The following BNIP3L variants were observed in gnomAD, a reference collection of about 807,000 sequenced individuals.
The protein encoded by BNIP3L is BCL2 interacting protein 3 like.
Under a neutral mutation model 25.5 loss-of-function variants are expected in BNIP3L, and 10 were observed. The ratio of observed to expected loss-of-function variants is 0.39; its 90% CI spans 0.24 to 0.67. The LOEUF (loss-of-function observed/expected upper bound fraction) is 0.67. BNIP3L is among the 30% of genes least tolerant of loss of function. BNIP3L has a pLI of 0.45. For missense variants in BNIP3L, 215 were observed against 270.9 expected, an observed-to-expected ratio of 0.79 and a Z score of 1.45; for synonymous variants, 113 against 101.2, an observed-to-expected ratio of 1.12 and a Z score of -0.70.
intron 3 of BNIP3L, 142 bp from the exon 4 acceptor site, chr8:26,407,858 T>C (rs1270074961): frequency 1.4e-6 from 1 of 712,518 alleles, no homozygotes; most frequent in Admixed American, 2.8e-5. Context: ...TTTCAGCATT[T>C]TTTAGAAAAG....
chr8:26,391,157 C>A, intron 1 of BNIP3L, 86 bp from the exon 2 acceptor site: 1 of 1,197,186 alleles, frequency 8.4e-7, no homozygotes. Flanking sequence ...AGTCAGAATT[C>A]TTATCTGGAT....
Position 26,396,943 on chromosome 8 carries a change from G to A in BNIP3L, c.357+1641G>A, listed in dbSNP as rs1174075013. On this transcript the variant is annotated intron_variant, in intron 3 of 5. Coordinates refer to ENST00000380629, the MANE Select transcript of BNIP3L (RefSeq NM_004331.3). ...GAGAAAAAAGAATAAAAAGAAATGAGCAAAGCCTCCAAGAAATATGGGACT... is the reference window on the plus strand; with the variant it reads ...GAGAAAAAAGAATAAAAAGAAATGAACAAAGCCTCCAAGAAATATGGGACT... Among the ~76,000 whole-genome samples the A allele has an allele frequency of 8.3e-5, 6 of 72,652 alleles. No individual in the cohort carries two copies. The Admixed American group carries it at 9.5e-4, about 11-fold the overall frequency. The allele number at this position is 72,652 out of a possible 152,430, so 47.7% of individuals were successfully genotyped here. A position where few individuals can be genotyped will look rare whatever the true frequency, so the allele number is the denominator to read the frequency against.
chr8:26,383,621 G>C (rs535057943), intron 1 of BNIP3L: 1 of 427,402 alleles, frequency 2.3e-6, no homozygotes, highest in Non-Finnish European at 3.1e-6. Context: ...GGGACGTGCG[G>C]CGGGGACGCC....
chr8:26,400,102 G>A (rs912043958), intron 3 of BNIP3L, among the ~76,000 whole-genome samples: 8 of 149,920 alleles, frequency 5.3e-5, no homozygotes, highest in East Asian at 4.0e-4. Flanking sequence ...AGCCTGCATC[G>A]CCAAGTCAAT....
chr8:26,389,749 C>A (rs775749913), intron 1 of BNIP3L, among the ~76,000 whole-genome samples: 4 of 152,214 alleles, frequency 2.6e-5, no homozygotes, highest in African/African-American at 9.7e-5. Flanking sequence ...GCTCAGGTCA[C>A]ACAGGTAGAC....
intron 1 of BNIP3L, among the ~76,000 whole-genome samples, chr8:26,388,968 G>T (rs1239358181): frequency 6.6e-6 from 1 of 152,186 alleles, no homozygotes; most frequent in African/African-American, 2.4e-5. Flanking sequence ...CAGCCTGGGT[G>T]ACAATGCAAG....
chr8:26,405,583 C>T (rs1476382376), intron 3 of BNIP3L, among the ~76,000 whole-genome samples: 2 of 152,166 alleles, frequency 1.3e-5, no homozygotes, highest in Non-Finnish European at 2.9e-5. Context: ...CTAGACCTGT[C>T]AAGAGTCATG....
At chr8:26,389,708 A>T (rs1024522279) in intron 1 of BNIP3L, among the ~76,000 whole-genome samples, 1 of 152,210 alleles carries the variant, frequency 6.6e-6, no homozygotes, top group Non-Finnish European at 1.5e-5. Context: ...CGGTGTTATT[A>T]TTATCTCTGT....
At chr8:26,387,577 C>G (rs1312695704) in intron 1 of BNIP3L, among the ~76,000 whole-genome samples, 1 of 152,134 alleles carries the variant, frequency 6.6e-6, no homozygotes, top group Non-Finnish European at 1.5e-5. Flanking sequence ...AAATCAGGAA[C>G]AAATCGGGTG....
intron 1 of BNIP3L, among the ~76,000 whole-genome samples, chr8:26,386,625 G>A (rs1208456473): frequency 3.3e-5 from 5 of 152,168 alleles, no homozygotes; most frequent in Non-Finnish European, 4.4e-5. Context: ...TGTAGAGTTC[G>A]AGTTTCACTT....
At chr8:26,390,409 G>T in intron 1 of BNIP3L, 2 of 985,368 alleles carry the variant, frequency 2.0e-6, no homozygotes, top group Non-Finnish European at 2.4e-6. Flanking sequence ...TTTCGTGTTT[G>T]CCTGTAGCTG....
intron 3 of BNIP3L, among the ~76,000 whole-genome samples, chr8:26,402,214 T>A (rs185974182): frequency 7.2e-5 from 11 of 152,316 alleles, no homozygotes; most frequent in African/African-American, 2.6e-4. Context: ...CAACACAAAT[T>A]TATTTTATGA....
chr8:26,386,836 C>A (rs1298698062), intron 1 of BNIP3L, among the ~76,000 whole-genome samples: 1 of 152,130 alleles, frequency 6.6e-6, no homozygotes, highest in African/African-American at 2.4e-5. Flanking sequence ...ACCTACGTAA[C>A]TTGTATGTAA....
chr8:26,385,105 G>A (rs185085477), intron 1 of BNIP3L, among the ~76,000 whole-genome samples: 20 of 152,222 alleles, frequency 1.3e-4, no homozygotes, highest in African/African-American at 4.3e-4. Flanking sequence ...AGAACCTCCT[G>A]CTGGTGTGTG....
chr8:26,404,035 G>C (rs1806448413), intron 3 of BNIP3L, among the ~76,000 whole-genome samples: 2 of 152,188 alleles, frequency 1.3e-5, no homozygotes, highest in Non-Finnish European at 2.9e-5. Context: ...TTGATAACAG[G>C]AGAGCTCACA....
At chr8:26,387,194 A>G (rs1011889763) in intron 1 of BNIP3L, among the ~76,000 whole-genome samples, 1 of 152,198 alleles carries the variant, frequency 6.6e-6, no homozygotes, top group African/African-American at 2.4e-5. Context: ...GGCAATGAGT[A>G]TAATCACAAT....
intron 1 of BNIP3L, among the ~76,000 whole-genome samples, chr8:26,385,369 A>T (rs1805970365): frequency 6.6e-6 from 1 of 151,662 alleles, no homozygotes; most frequent in African/African-American, 2.4e-5. Flanking sequence ...GGCCAAAGCG[A>T]GTGGATCACT....
chr8:26,386,488 G>A (rs1020238220), intron 1 of BNIP3L, among the ~76,000 whole-genome samples: 1 of 151,992 alleles, frequency 6.6e-6, no homozygotes, highest in African/African-American at 2.4e-5. Flanking sequence ...AAACTGGAGT[G>A]CAGTGGTACA....
At position 26,383,202 on chromosome 8, in the gene BNIP3L, G is replaced by A; in HGVS notation, c.72G>A (p.Gln24=). 1 of 1,612,072 alleles carries A rather than the reference G, an allele frequency of 6.2e-7. No individual in the cohort carries two copies. The highest frequency in any genetic ancestry group is 8.5e-7 in the Non-Finnish European group (1 of 1,179,614). Residue 24 remains glutamine, a synonymous_variant, in exon 1 of 6, where the codon CAG becomes CAA. Coordinates refer to ENST00000380629, the MANE Select transcript of BNIP3L (RefSeq NM_004331.3). ...ACAACAACTGCGAGGAAAATGAGCA[G>A]TCTCTGCCCCCGCCGGCCGGCCTCA... ...NNNNNCEENE[Q]SLPPPAGLNS...
Sources: allele counts gnomAD v4.1 joint callset (sites outside exome capture counted in the v4.1 genomes callset), GRCh38; gene constraint gnomAD v4.1.1; transcripts MANE v1.5; gene names NCBI Gene and HGNC (gene_info 2026-07-23, HGNC 2026-07-21).